Variants in PALM2AKAP2 observed in about 807,000 individuals in gnomAD.
The protein encoded by PALM2AKAP2 is PALM2-AKAP2 fusion protein.
A neutral mutation model predicts 71.5 loss-of-function variants in PALM2AKAP2; 37 were observed. That is an observed-to-expected ratio of 0.52 (90% confidence interval 0.40 to 0.68). The LOEUF (loss-of-function observed/expected upper bound fraction) is 0.68, where lower values mean the gene tolerates loss of function less well. PALM2AKAP2 is among the 30% of genes least tolerant of loss of function. The pLI, the probability that PALM2AKAP2 is intolerant of heterozygous loss-of-function variation, is 0.00. For synonymous variants in PALM2AKAP2, 468 were observed against 478.8 expected, an observed-to-expected ratio of 0.98 and a Z score of 0.29; for missense variants, 1,224 against 1,191.8, an observed-to-expected ratio of 1.03 and a Z score of -0.40.
rs1198376384 is a variant in PALM2AKAP2, at chr9:110,006,602, A to AT, written c.497-9351dup. On this transcript the variant is annotated intron_variant, in intron 6 of 9. Transcript: ENST00000302798. ...GGTCTTGAATTCCTGGGCTCAAGTA[A>AT]TCCTCCCACCTCAGCCTCCCAAAGT... Among the ~76,000 whole-genome samples the AT allele has an allele frequency of 2.6e-5, 4 of 152,122 alleles. No individual in the cohort carries two copies. In the East Asian group the frequency reaches 7.7e-4, roughly 29 times the overall value.
intron 3 of PALM2AKAP2, among the ~76,000 whole-genome samples, chr9:109,901,253 G>T (rs1169148709): frequency 4.6e-5 from 7 of 152,202 alleles, no homozygotes; most frequent in African/African-American, 1.7e-4. Flanking sequence ...GGTTGTTACA[G>T]ATACTCTATG....
chr9:109,693,129 C>CACA (rs747850587), intron 1 of PALM2AKAP2, among the ~76,000 whole-genome samples: 16 of 151,878 alleles, frequency 1.1e-4, no homozygotes, highest in Non-Finnish European at 2.1e-4. Context: ...GAGAATGTTT[C>CACA]CAATGCTGAA....
chr9:109,655,270 G>C (rs1377126673), intron 1 of PALM2AKAP2, among the ~76,000 whole-genome samples: 1 of 143,140 alleles, frequency 7.0e-6, no homozygotes, highest in Non-Finnish European at 1.5e-5. Flanking sequence ...CTGCACTCCA[G>C]GCTGGGCGAC....
intron 6 of PALM2AKAP2, among the ~76,000 whole-genome samples, chr9:110,014,649 T>C (rs1832940172): frequency 6.6e-6 from 1 of 150,928 alleles, no homozygotes; most frequent in South Asian, 2.1e-4. Flanking sequence ...GGCACATACC[T>C]GTAATCTGAG....
chr9:110,069,248 G>T (rs1265517685), intron 1 of PALM2AKAP2, among the ~76,000 whole-genome samples: 1 of 152,232 alleles, frequency 6.6e-6, no homozygotes, highest in African/African-American at 2.4e-5. Context: ...TCAGTAACAA[G>T]TCCGACATGG....
Position 109,918,278 on chromosome 9 carries a change from C to T in PALM2AKAP2, c.258-5457C>T, listed in dbSNP as rs191230863. ...AAATAAGAGCATGATCGATGCACTT[C>T]CCAGAGCGAGAGTTCCTTTCTGTTT... On this transcript the variant is annotated intron_variant, in intron 3 of 9. Transcript: ENST00000302798. Among the ~76,000 whole-genome samples the T allele has an allele frequency of 2.0e-5, 3 of 152,270 alleles. No homozygotes were observed. In the East Asian group the frequency reaches 5.8e-4, roughly 29 times the overall value.
chr9:109,822,695 A>G (rs1235376722), intron 1 of PALM2AKAP2, among the ~76,000 whole-genome samples: 1 of 152,166 alleles, frequency 6.6e-6, no homozygotes, highest in African/African-American at 2.4e-5. Flanking sequence ...GTTGCTGCAA[A>G]GGACATGATC....
At chr9:110,137,905 G>A in exon 2 of PALM2AKAP2, 2 of 1,614,170 alleles carry the variant, frequency 1.2e-6, no homozygotes, top group South Asian at 1.1e-5. Context: ...CCTCCACGCT[G>A]GGGGACTCTC....
chr9:109,874,256 T>A (rs1343706601), intron 2 of PALM2AKAP2, among the ~76,000 whole-genome samples: 1 of 152,180 alleles, frequency 6.6e-6, no homozygotes, highest in Non-Finnish European at 1.5e-5. Context: ...TTAGAGGAGC[T>A]GAAAAATAGT....
At chr9:109,656,205 GT>G (rs1222220693) in intron 1 of PALM2AKAP2, among the ~76,000 whole-genome samples, 1 of 152,212 alleles carries the variant, frequency 6.6e-6, no homozygotes, top group Non-Finnish European at 1.5e-5. Context: ...GGAATGGCCA[GT>G]GCGAAGCCTG....
rs1260332984 is a variant in PALM2AKAP2 at position 109,950,965 on chromosome 9, G to A, written c.496+18937G>A. ...ATATACACAGAGGCCACCAGGCAAT[G>A]CCTGATCCAAACTATTCTGTATGTA... On this transcript the variant is annotated intron_variant, in intron 6 of 9. Transcript: ENST00000302798. Among the ~76,000 whole-genome samples the A allele has an allele frequency of 2.0e-5, 3 of 152,234 alleles. No homozygotes were observed. In the East Asian group the frequency reaches 5.8e-4, roughly 29 times the overall value.
intron 7 of PALM2AKAP2, among the ~76,000 whole-genome samples, chr9:110,017,046 A>AT (rs1832995429): frequency 6.6e-6 from 1 of 151,912 alleles, no homozygotes; most frequent in Admixed American, 6.6e-5. Context: ...TGCCTGGCTA[A>AT]TTTTTTGTAT....
chr9:110,083,868 A>G (rs942639555), intron 1 of PALM2AKAP2, among the ~76,000 whole-genome samples: 2 of 152,260 alleles, frequency 1.3e-5, no homozygotes, highest in African/African-American at 2.4e-5. Flanking sequence ...CACACATAAC[A>G]AGTTTTCAGA....
intron 6 of PALM2AKAP2, chr9:109,942,918 A>G (rs1282011604): frequency 6.2e-7 from 1 of 1,614,214 alleles, no homozygotes; most frequent in South Asian, 1.1e-5. Context: ...CTGGACAATC[A>G]AGCTTAGGAG....
intron 3 of PALM2AKAP2, among the ~76,000 whole-genome samples, chr9:109,901,853 C>T (rs150741634): frequency 1.1e-4 from 17 of 152,288 alleles, no homozygotes; most frequent in Non-Finnish European, 1.9e-4. Context: ...GCAAATAAAA[C>T]AAGTCATTCA....
intron 7 of PALM2AKAP2, among the ~76,000 whole-genome samples, chr9:110,021,756 A>AC (rs1554739378): frequency 6.6e-6 from 1 of 151,618 alleles, no homozygotes; most frequent in East Asian, 1.9e-4. Flanking sequence ...AAAAAAAAAA[A>AC]CAGGTATGGA....
chr9:109,934,803 G>C (rs556492996), intron 6 of PALM2AKAP2, among the ~76,000 whole-genome samples: 12 of 152,342 alleles, frequency 7.9e-5, no homozygotes, highest in Non-Finnish European at 1.5e-4. Context: ...TGTTCAGTCT[G>C]TTTCCCCTAG....
At chr9:109,888,001 A>G (rs747242708) in intron 3 of PALM2AKAP2, among the ~76,000 whole-genome samples, 1 of 152,246 alleles carries the variant, frequency 6.6e-6, no homozygotes, top group Admixed American at 6.5e-5. Flanking sequence ...TCTTCAGCCT[A>G]TTGTGGGTGG....
intron 3 of PALM2AKAP2, among the ~76,000 whole-genome samples, chr9:109,906,805 A>C (rs891631593): frequency 1.3e-5 from 2 of 152,228 alleles, no homozygotes; most frequent in African/African-American, 4.8e-5. Context: ...TAAAGCAAAC[A>C]CATAAACAGG....
Sources: gnomAD v4.1 joint callset for allele counts (sites outside exome capture counted in the v4.1 genomes callset) on GRCh38, gnomAD v4.1.1 for gene constraint, MANE v1.5 for transcripts, NCBI Gene and HGNC (gene_info 2026-07-23, HGNC 2026-07-21) for gene names.